The following CACNG8 variants were observed in gnomAD, a reference collection of about 807,000 sequenced individuals.
The protein encoded by CACNG8 is voltage-dependent calcium channel gamma-8 subunit.
A neutral mutation model predicts 26.9 loss-of-function variants in CACNG8; 5 were observed. That is an observed-to-expected ratio of 0.19 (90% CI 0.10 to 0.39). The LOEUF (loss-of-function observed/expected upper bound fraction) is 0.39, where lower values mean the gene tolerates loss of function less well. Among genes scored for constraint, CACNG8 ranks in the 10% least tolerant of loss-of-function variants. The probability of loss-of-function intolerance (pLI) is 1.00; values close to 1 mark genes in which losing one functional copy is unlikely to be tolerated. For synonymous variants in CACNG8, 321 were observed against 296.7 expected, an observed-to-expected ratio of 1.08 and a Z score of -0.84; for missense variants, 473 against 609.4, an observed-to-expected ratio of 0.78 and a Z score of 2.36.
At chr19:53,979,680 AAT>A (rs1458132521) in intron 2 of CACNG8, among the ~76,000 whole-genome samples, 185 bp from the exon 3 acceptor site, 1 of 152,194 alleles carries the variant, frequency 6.6e-6, no homozygotes. Context: ...CAGACCGAGA[AAT>A]AGAGAAATTT....
intron 1 of CACNG8, among the ~76,000 whole-genome samples, chr19:53,971,149 A>C (rs2069300296): frequency 6.6e-6 from 1 of 151,382 alleles, no homozygotes; most frequent in African/African-American, 2.4e-5. Flanking sequence ...AAATTTAGCC[A>C]GGTGCAGTGG....
chr19:53,982,651 G>C lies in CACNG8; in HGVS notation c.1080G>C (p.Gly360=), dbSNP rs1372099437. 36 of 1,061,292 alleles carry C rather than the reference G, an allele frequency of 3.4e-5. No homozygotes were observed. Among genetic ancestry groups the C allele is most frequent in the Non-Finnish European group, 4.0e-5 (35 of 880,796 alleles). The allele number at this position is 1,061,292 out of a possible 1,614,324, so 65.7% of individuals were successfully genotyped here. ...GGGCGGGTGCCGAGCGGGACCGCGG[G>C]GGGGCGTCCGGCTTCCTCACGCTGC... Residue 360 remains glycine (G), a synonymous_variant, in exon 4 of 4, where the codon GGG becomes GGC. Coordinates refer to ENST00000270458, the MANE Select transcript of CACNG8 (RefSeq NM_031895.6). The surrounding 1 kb of genome is among the most constrained non-coding windows in gnomAD (Gnocchi z 8.4).
In CACNG8 at chr19:53,989,719, C is replaced by T. The variant is rs4806480; in HGVS notation, c.*6870C>T. ...GGGATGTCTGTGTGCCATCATCTCA[C>T]TCCATCTGGTCATTCCTTTGCCCAT... On this transcript the variant is annotated 3_prime_UTR_variant, in exon 4 of 4. Coordinates refer to ENST00000270458, the MANE Select transcript of CACNG8 (RefSeq NM_031895.6). The T allele has an allele frequency of 0.37, 56,429 of 152,208 alleles. 10,689 individuals carry two copies. The highest frequency in any genetic ancestry group is 0.5 in the East Asian group (2,554 of 5,150). The allele number at this position is 152,208 out of a possible 1,614,324, so 9.4% of individuals were successfully genotyped here.
intron 1 of CACNG8, among the ~76,000 whole-genome samples, chr19:53,977,041 G>A (rs544510577): frequency 2.6e-5 from 4 of 152,346 alleles, no homozygotes; most frequent in Admixed American, 6.5e-5. Flanking sequence ...ACACACAGAG[G>A]AATCGGACTC....
rs778336724 is a variant in CACNG8 at position 53,982,300 on chromosome 19, C to A, written c.729C>A (p.Leu243=). 6.2e-7 allele frequency: 1 copy of A among 1,605,640 alleles called. No homozygotes were observed. Among genetic ancestry groups the A allele is most frequent in the South Asian group, 1.1e-5 (1 of 90,024 alleles). ...ACTGCCAGTCTCGCTCGGACCTGCT[C>A]AAGGCCGGCGGGGGCGCGGGCGGCA... The change falls in exon 4 of 4, where the codon CTC becomes CTA. Residue 243 remains leucine (L), a synonymous_variant. Transcript: ENST00000270458. The surrounding 1 kb of genome is among the most constrained non-coding windows in gnomAD (Gnocchi z 8.4).
intron 1 of CACNG8, among the ~76,000 whole-genome samples, chr19:53,963,896 G>A (rs543009162): frequency 6.8e-6 from 1 of 147,608 alleles, no homozygotes; most frequent in South Asian, 2.1e-4. Flanking sequence ...CGAATCCCTA[G>A]GCTCAAGCCA....
chr19:53,972,471 C>T lies in CACNG8; in HGVS notation c.284-5675C>T, dbSNP rs191469520. ...CCACCTCCCAGGTTCAAGCAATTCTCCTGTCTCAGCCTCCCGAGTAGTTGG... is the reference window on the plus strand; with the variant it reads ...CCACCTCCCAGGTTCAAGCAATTCTTCTGTCTCAGCCTCCCGAGTAGTTGG... On this transcript the variant is annotated intron_variant, in intron 1 of 3. Transcript: ENST00000270458. Among the ~76,000 whole-genome samples, 570 of 149,680 alleles carry T rather than the reference C, an allele frequency of 3.8e-3. 10 individuals carry two copies. The highest frequency in any genetic ancestry group is 0.013 in the African/African-American group (547 of 40,624).
In CACNG8 at chr19:53,982,870, G is replaced by A; in HGVS notation, c.*21G>A. On this transcript the variant is annotated 3_prime_UTR_variant, in exon 4 of 4. Coordinates refer to ENST00000270458, the MANE Select transcript of CACNG8 (RefSeq NM_031895.6). This position sits in a 1 kb window ranked among gnomAD's most constrained non-coding sequence, Gnocchi z 8.4. ...TGTAGGGGCGCGGCGGGGGAGCCGA[G>A]GGGCGTGTCCGGGGCGCGTGCGCGG... 1 of 1,270,506 alleles carries A rather than the reference G, an allele frequency of 7.9e-7. No homozygotes were observed. The highest frequency in any genetic ancestry group is 9.9e-7 in the Non-Finnish European group (1 of 1,007,572). The allele number at this position is 1,270,506 out of a possible 1,614,324, so 78.7% of individuals were successfully genotyped here.
intron 1 of CACNG8, 102 bp downstream of exon 1, chr19:53,963,527 A>AC (rs930390067): frequency 3.9e-5 from 46 of 1,191,990 alleles, no homozygotes; most frequent in Non-Finnish European, 4.9e-5. Context: ...CCCCTTGGGC[A>AC]CCCCTCCTCC....
intron 1 of CACNG8, among the ~76,000 whole-genome samples, chr19:53,967,707 C>T (rs901495777): frequency 6.6e-5 from 10 of 152,082 alleles, no homozygotes; most frequent in African/African-American, 1.7e-4. Flanking sequence ...TGGTGGCACG[C>T]GCCTGTAGTC....
rs2069341226 is a variant in CACNG8, at chr19:53,978,141, T to C, written c.284-5T>C. On this transcript the variant is annotated splice_polypyrimidine_tract_variant and splice_region_variant and intron_variant, in intron 1 of 3. Coordinates refer to ENST00000270458, the MANE Select transcript of CACNG8 (RefSeq NM_031895.6). ...CCCCCACCACTGCCCTCCCCGCTCC[T>C]CCAGGGTTGAAAAGAGGCGTCTGCG... 2 of 1,557,738 alleles carry C rather than the reference T, an allele frequency of 1.3e-6. No individual in the cohort carries two copies. The highest frequency in any genetic ancestry group is 1.8e-6 in the Non-Finnish European group (2 of 1,142,492).
intron 1 of CACNG8, among the ~76,000 whole-genome samples, chr19:53,971,291 C>CAAA (rs36089029): frequency 3.1e-5 from 4 of 130,922 alleles, no homozygotes; most frequent in African/African-American, 1.1e-4. Context: ...GGCCCTGTCT[C>CAAA]AAAAAAAAAA....
intron 1 of CACNG8, among the ~76,000 whole-genome samples, chr19:53,974,546 C>T (rs2069319877): frequency 6.6e-6 from 1 of 152,206 alleles, no homozygotes; most frequent in African/African-American, 2.4e-5. Flanking sequence ...TTTCCCATAG[C>T]CACTGCACCA....
Position 53,984,407 on chromosome 19 carries a change from T to G in CACNG8, c.*1558T>G, listed in dbSNP as rs868388429. The G allele has an allele frequency of 9.9e-5, 15 of 151,992 alleles. No individual in the cohort carries two copies. The highest frequency in any genetic ancestry group is 3.1e-4 in the African/African-American group (13 of 41,366). 9.4% of individuals were successfully genotyped at this position (151,992 alleles called of 1,614,324 possible). On this transcript the variant is annotated 3_prime_UTR_variant, in exon 4 of 4. Transcript: ENST00000270458. The stretch of plus-strand genomic sequence containing the variant: ...GGACAGAGTGACCAACTGCCAGGAG[T>G]GAGCAGCACTTGGGGTAGGCTTCCT...
chr19:53,968,629 G>A (rs140885891), intron 1 of CACNG8, among the ~76,000 whole-genome samples: 6,377 of 151,836 alleles, frequency 0.042, 422 homozygotes, highest in African/African-American at 0.15. Context: ...TTAGCCGGGC[G>A]TGGTGGCGTG....
chr19:53,976,665 T>TTC (rs142602012), intron 1 of CACNG8, among the ~76,000 whole-genome samples: 8 of 151,422 alleles, frequency 5.3e-5, no homozygotes, highest in East Asian at 2.0e-4. Context: ...CCTCATTTCT[T>TTC]TCTCTCTCTC....
intron 3 of CACNG8, among the ~76,000 whole-genome samples, chr19:53,981,163 G>A (rs2069365354): frequency 6.6e-6 from 1 of 152,186 alleles, no homozygotes; most frequent in South Asian, 2.1e-4. Flanking sequence ...TATATGAAGA[G>A]AGATTAGATA....
At position 53,978,219 on chromosome 19, in the gene CACNG8, G is replaced by C. The variant is rs1438383726; in HGVS notation, c.357G>C (p.Glu119Asp). The change falls in exon 2 of 4, where the codon GAG becomes GAC. Residue 119 changes from glutamate to aspartate, a missense_variant. By Grantham distance (45) the Glu-to-Asp change is conservative. Around this residue, in one of 6 missense-constraint regions of CACNG8, gnomAD observed 155 missense variants for 253.0 expected, o/e 0.61. Coordinates refer to ENST00000270458, the MANE Select transcript of CACNG8 (RefSeq NM_031895.6). ...CGGACTACGACCACGACAGCGCGGA[G>C]TATCTACTCCGTACGTGGGGGTCCG... 2 of 1,612,518 alleles carry C rather than the reference G, an allele frequency of 1.2e-6. No individual in the cohort carries two copies. The highest frequency in any genetic ancestry group is 1.7e-6 in the Non-Finnish European group (2 of 1,179,614).
chr19:53,978,150 G>A lies in CACNG8; in HGVS notation c.288G>A (p.Leu96=). The A allele has an allele frequency of 1.2e-6, 2 of 1,611,338 alleles. No homozygotes were observed. Among genetic ancestry groups the A allele is most frequent in the Non-Finnish European group, 1.7e-6 (2 of 1,178,766 alleles). Residue 96 remains leucine, a synonymous_variant, in exon 2 of 4, where the codon TTG becomes TTA. Transcript: ENST00000270458. ...CTGCCCTCCCCGCTCCTCCAGGGTT[G>A]AAAAGAGGCGTCTGCGTGAAGATCA...
Sources: allele counts gnomAD v4.1 joint callset (sites outside exome capture counted in the v4.1 genomes callset), GRCh38; gene constraint gnomAD v4.1.1; regional missense constraint gnomAD v4.1.1; non-coding constraint Gnocchi (gnomAD v3.1); transcripts MANE v1.5; gene names NCBI Gene and HGNC (gene_info 2026-07-23, HGNC 2026-07-21).